Variants in EYA1 observed in about 807,000 individuals in gnomAD.
EYA1 encodes protein phosphatase EYA1.
Under a neutral mutation model 82.0 loss-of-function variants are expected in EYA1, and 16 were observed. The ratio of observed to expected loss-of-function variants is 0.20; its 90% confidence interval spans 0.13 to 0.30. The LOEUF (loss-of-function observed/expected upper bound fraction) is 0.30, where lower values mean the gene tolerates loss of function less well. Among genes scored for constraint, EYA1 ranks in the 10% least tolerant of loss-of-function variants. The probability of loss-of-function intolerance (pLI) is 1.00; values close to 1 mark genes in which losing one functional copy is unlikely to be tolerated. For synonymous variants in EYA1, 261 were observed against 264.4 expected (o/e 0.99, Z 0.12); for missense variants, 633 against 730.7 (o/e 0.87, Z 1.54).
intron 3 of EYA1, among the ~76,000 whole-genome samples, chr8:71,348,052 T>C (rs1310757218): frequency 6.6e-6 from 1 of 152,156 alleles, no homozygotes; most frequent in Middle Eastern, 3.2e-3. Context: ...AGGCAATATT[T>C]GACAGTCACT....
intron 16 of EYA1, 77 bp downstream of exon 16, chr8:71,215,310 T>G: frequency 6.9e-7 from 1 of 1,446,958 alleles, no homozygotes; most frequent in African/African-American, 1.4e-5. Context: ...GGAAAAAAAG[T>G]TTCATTTATT....
chr8:71,472,627 T>C (rs1809295477), intron 2 of EYA1, among the ~76,000 whole-genome samples: 1 of 151,750 alleles, frequency 6.6e-6, no homozygotes, highest in East Asian at 1.9e-4. Context: ...AATAAGGAAA[T>C]TGAAGCACGG....
chr8:71,541,361 G>A (rs1199058511), intron 1 of EYA1, among the ~76,000 whole-genome samples: 1 of 152,154 alleles, frequency 6.6e-6, no homozygotes, highest in Non-Finnish European at 1.5e-5. Context: ...TTTTAAGGAT[G>A]AAGCCTGTTT....
chr8:71,228,535 G>A (rs1240532846), intron 12 of EYA1, among the ~76,000 whole-genome samples: 2 of 152,074 alleles, frequency 1.3e-5, no homozygotes, highest in Non-Finnish European at 2.9e-5. Flanking sequence ...ATAATTTAGA[G>A]CTATAAATAA....
At chr8:71,298,589 G>T (rs1819841819) in intron 9 of EYA1, among the ~76,000 whole-genome samples, 1 of 152,240 alleles carries the variant, frequency 6.6e-6, no homozygotes, top group Middle Eastern at 3.4e-3. Flanking sequence ...TTCACAGCAG[G>T]CCACATGTGG....
intron 2 of EYA1, among the ~76,000 whole-genome samples, chr8:71,464,572 T>C (rs1040026467): frequency 2.6e-5 from 4 of 152,214 alleles, no homozygotes; most frequent in African/African-American, 7.2e-5. Context: ...CATTGTAATG[T>C]TGGCATAATT....
intron 11 of EYA1, among the ~76,000 whole-genome samples, chr8:71,258,589 C>T (rs934592597): frequency 3.9e-5 from 6 of 152,164 alleles, no homozygotes; most frequent in East Asian, 1.9e-4. Flanking sequence ...ACAGAAACCA[C>T]CAGGAATTTT....
At chr8:71,277,840 C>T (rs1451760911) in intron 9 of EYA1, among the ~76,000 whole-genome samples, 4 of 152,074 alleles carry the variant, frequency 2.6e-5, no homozygotes, top group African/African-American at 9.7e-5. Context: ...TTCTACAAGA[C>T]AGCAAAAATA....
At chr8:71,341,772 G>A (rs1452226396) in intron 3 of EYA1, among the ~76,000 whole-genome samples, 4 of 152,016 alleles carry the variant, frequency 2.6e-5, no homozygotes, top group African/African-American at 9.7e-5. Flanking sequence ...CTCTTCAATG[G>A]TACACCTGGT....
intron 12 of EYA1, among the ~76,000 whole-genome samples, chr8:71,240,545 A>G (rs558811378): frequency 6.6e-6 from 1 of 151,998 alleles, no homozygotes; most frequent in East Asian, 1.9e-4. Context: ...GAGGGTTCCC[A>G]CTCTTCCCAA....
intron 2 of EYA1, among the ~76,000 whole-genome samples, chr8:71,419,149 C>A (rs780359586): frequency 2.6e-5 from 4 of 152,070 alleles, no homozygotes; most frequent in Non-Finnish European, 4.4e-5. Context: ...AGAGGCATGG[C>A]ATAATGATTC....
At chr8:71,212,823 G>A (rs1246480020) in intron 16 of EYA1, among the ~76,000 whole-genome samples, 1 of 152,186 alleles carries the variant, frequency 6.6e-6, no homozygotes, top group Non-Finnish European at 1.5e-5. Flanking sequence ...GTTCACACCT[G>A]TAATCCCAGC....
intron 1 of EYA1, among the ~76,000 whole-genome samples, chr8:71,536,880 A>G (rs1358649046): frequency 2.0e-5 from 3 of 152,236 alleles, no homozygotes; most frequent in Non-Finnish European, 4.4e-5. Flanking sequence ...AAACAGCTGA[A>G]TGATCTCATG....
intron 11 of EYA1, among the ~76,000 whole-genome samples, chr8:71,258,802 A>G (rs1295621862): frequency 6.6e-6 from 1 of 152,218 alleles, no homozygotes; most frequent in Non-Finnish European, 1.5e-5. Context: ...AAGGACTGTG[A>G]AAACTGTTTT....
chr8:71,322,468 T>C (rs1420560471), intron 4 of EYA1, 200 bp from the exon 5 acceptor site: 2 of 587,198 alleles, frequency 3.4e-6, no homozygotes, highest in African/African-American at 1.9e-5. Context: ...GAATAGAAAC[T>C]GATTAAGGGC....
At chr8:71,378,541 G>C (rs994787258) in intron 2 of EYA1, among the ~76,000 whole-genome samples, 2 of 152,116 alleles carry the variant, frequency 1.3e-5, no homozygotes, top group Admixed American at 6.6e-5. Context: ...TGATCAGATT[G>C]TGATAACCCC....
chr8:71,309,362 C>CAA (rs3086592), intron 7 of EYA1, among the ~76,000 whole-genome samples: 4 of 146,470 alleles, frequency 2.7e-5, no homozygotes, highest in African/African-American at 9.9e-5. Flanking sequence ...TCAATTTAAG[C>CAA]AAAAAAAAAA....
rs372923910 is a variant in EYA1, at chr8:71,245,836, T to C, written c.1051-1144A>G. Among the ~76,000 whole-genome samples the C allele has an allele frequency of 2.2e-4, 33 of 152,320 alleles. No individual in the cohort carries two copies. In the East Asian group the frequency reaches 4.1e-3, roughly 19 times the overall value. On this transcript the variant is annotated intron_variant, in intron 11 of 17. Coordinates refer to ENST00000340726, the MANE Select transcript of EYA1 (RefSeq NM_000503.6). ...TGATCTTAAGATTCACATGACACTG[T>C]ACGGGCATCAAACAGCCCATGCCAT...
At chr8:71,284,827 T>C (rs1380121489) in intron 9 of EYA1, among the ~76,000 whole-genome samples, 1 of 152,228 alleles carries the variant, frequency 6.6e-6, no homozygotes, top group Admixed American at 6.5e-5. Context: ...TCCCTCGCAC[T>C]TTCACATCCT....
Sources: allele counts gnomAD v4.1 joint callset (sites outside exome capture counted in the v4.1 genomes callset), GRCh38; gene constraint gnomAD v4.1.1; transcripts MANE v1.5; gene names NCBI Gene and HGNC (gene_info 2026-07-23, HGNC 2026-07-21).